The following CTNNA3 variants were observed in gnomAD, a reference collection of about 807,000 sequenced individuals.
The protein encoded by CTNNA3 is catenin alpha-3.
Under a neutral mutation model 95.7 loss-of-function variants are expected in CTNNA3, and 76 were observed. That is an observed-to-expected ratio of 0.79 (90% CI 0.66 to 0.96). CTNNA3 has a LOEUF of 0.96. Ranked by LOEUF, CTNNA3 falls within the 40% of genes least tolerant of loss-of-function variation. The pLI is 0.00. For missense variants in CTNNA3, 1,191 were observed against 1,089.8 expected, an observed-to-expected ratio of 1.09 and a Z score of -1.31; for synonymous variants, 431 against 374.4, an observed-to-expected ratio of 1.15 and a Z score of -1.74.
At chr10:67,327,930 C>T (rs950042815) in intron 5 of CTNNA3, among the ~76,000 whole-genome samples, 2 of 152,094 alleles carry the variant, frequency 1.3e-5, no homozygotes, top group African/African-American at 4.8e-5. Context: ...CTGTGCCTCG[C>T]AAGCAGGAAT....
intron 12 of CTNNA3, among the ~76,000 whole-genome samples, chr10:66,305,278 T>C (rs1035198279): frequency 6.6e-6 from 1 of 152,214 alleles, no homozygotes; most frequent in Non-Finnish European, 1.5e-5. Context: ...TTTTAGATCA[T>C]ATGCACACAC....
At chr10:66,987,184 A>G (rs1342984442) in intron 7 of CTNNA3, among the ~76,000 whole-genome samples, 1 of 152,184 alleles carries the variant, frequency 6.6e-6, no homozygotes, top group African/African-American at 2.4e-5. Context: ...ACTAAGGGAG[A>G]GGGAAGCAGA....
chr10:66,092,785 C>T (rs2081261339), intron 14 of CTNNA3, among the ~76,000 whole-genome samples: 2 of 151,962 alleles, frequency 1.3e-5, no homozygotes, highest in East Asian at 3.9e-4. Context: ...GAGATTTAGG[C>T]TTAAATCACA....
At chr10:66,755,614 T>A (rs1839333313) in intron 9 of CTNNA3, among the ~76,000 whole-genome samples, 1 of 152,116 alleles carries the variant, frequency 6.6e-6, no homozygotes, top group Non-Finnish European at 1.5e-5. Flanking sequence ...ACTGGAATTC[T>A]TATACATTGT....
chr10:66,686,955 A>G (rs1360053982), intron 9 of CTNNA3, among the ~76,000 whole-genome samples: 1 of 152,120 alleles, frequency 6.6e-6, no homozygotes, highest in Admixed American at 6.6e-5. Context: ...AATTTTTTAA[A>G]TTACAGAGTA....
At chr10:67,675,510 T>C (rs1247445627) in intron 1 of CTNNA3, among the ~76,000 whole-genome samples, 2 of 152,092 alleles carry the variant, frequency 1.3e-5, no homozygotes, top group African/African-American at 2.4e-5. Context: ...GATGGGCAAA[T>C]GGAAACATTG....
At chr10:66,094,949 T>C (rs1344914797) in intron 14 of CTNNA3, among the ~76,000 whole-genome samples, 2 of 152,148 alleles carry the variant, frequency 1.3e-5, no homozygotes, top group East Asian at 3.8e-4. Context: ...TGAGTTTAGA[T>C]TTGTGCAACT....
chr10:66,688,679 G>A (rs192433162), intron 9 of CTNNA3, among the ~76,000 whole-genome samples: 2,686 of 152,124 alleles, frequency 0.018, 46 homozygotes, highest in Middle Eastern at 0.058. Flanking sequence ...AGCCCCATAA[G>A]AGCAGAGACC....
intron 13 of CTNNA3, among the ~76,000 whole-genome samples, chr10:66,179,437 A>G (rs531524512): frequency 6.6e-6 from 1 of 152,178 alleles, no homozygotes; most frequent in Non-Finnish European, 1.5e-5. Context: ...ATGGTGATGA[A>G]AATCGCCTGT....
chr10:66,758,657 G>A (rs184193414), intron 9 of CTNNA3, among the ~76,000 whole-genome samples: 2 of 152,234 alleles, frequency 1.3e-5, no homozygotes, highest in East Asian at 1.9e-4. Flanking sequence ...ACTTTGGGCC[G>A]GGCATGGTGG....
chr10:67,338,193 T>C (rs576561656), intron 5 of CTNNA3, among the ~76,000 whole-genome samples: 5 of 152,144 alleles, frequency 3.3e-5, no homozygotes, highest in African/African-American at 9.7e-5. Flanking sequence ...ACAGGAAACA[T>C]GGAGCTGGCA....
intron 14 of CTNNA3, among the ~76,000 whole-genome samples, chr10:66,091,095 C>G (rs2081194668): frequency 6.6e-6 from 1 of 151,692 alleles, no homozygotes; most frequent in African/African-American, 2.4e-5. Context: ...ACTAATAATT[C>G]AACAATATGT....
intron 11 of CTNNA3, among the ~76,000 whole-genome samples, chr10:66,380,643 T>A (rs559863044): frequency 1.5e-3 from 215 of 146,212 alleles, no homozygotes; most frequent in African/African-American, 5.2e-3. Flanking sequence ...ATATATATAT[T>A]AAATTAATTA....
upstream of CTNNA3, among the ~76,000 whole-genome samples, chr10:67,698,471 G>T (rs1009543902): frequency 2.0e-5 from 3 of 152,176 alleles, no homozygotes; most frequent in Non-Finnish European, 4.4e-5. Flanking sequence ...TTCTATCCCT[G>T]TCAGTAGCCT....
chr10:67,271,276 G>C (rs1474985322), intron 5 of CTNNA3, among the ~76,000 whole-genome samples: 2 of 152,188 alleles, frequency 1.3e-5, no homozygotes, highest in African/African-American at 4.8e-5. Context: ...AGACCAGGTG[G>C]AGTAATCGAA....
intron 9 of CTNNA3, among the ~76,000 whole-genome samples, chr10:66,631,072 A>G (rs773651419): frequency 6.6e-6 from 1 of 152,186 alleles, no homozygotes; most frequent in African/African-American, 2.4e-5. Flanking sequence ...AGAGTGTTAC[A>G]TGGAGACAAA....
intron 10 of CTNNA3, among the ~76,000 whole-genome samples, chr10:66,568,135 G>C (rs918752123): frequency 2.6e-5 from 4 of 152,128 alleles, no homozygotes; most frequent in African/African-American, 9.7e-5. Flanking sequence ...AGACAAAAGA[G>C]AGCATAAAGA....
rs930802715 is a variant in CTNNA3 at position 66,970,889 on chromosome 10, G to T, written c.1048-195365C>A. Among the ~76,000 whole-genome samples, 27 of 152,188 alleles carry T rather than the reference G, an allele frequency of 1.8e-4. 2 individuals carry two copies. Among genetic ancestry groups the T allele is most frequent in the African/African-American group, 6.3e-4 (26 of 41,506 alleles). On this transcript the variant is annotated intron_variant, in intron 7 of 17. Transcript: ENST00000433211. ...TTTTTCAAGATAATACAGATCTCAA[G>T]AATTCTCAATGTTCAAGCAAGAAAA... is the stretch of plus-strand genomic sequence containing the variant.
At chr10:66,331,214 T>C (rs2092323888) in intron 12 of CTNNA3, among the ~76,000 whole-genome samples, 1 of 151,980 alleles carries the variant, frequency 6.6e-6, no homozygotes, top group Admixed American at 6.6e-5. Context: ...AACGTTTAAG[T>C]TTTTAATCAA....
Sources: allele counts gnomAD v4.1 joint callset (sites outside exome capture counted in the v4.1 genomes callset), GRCh38; gene constraint gnomAD v4.1.1; transcripts MANE v1.5; gene names NCBI Gene and HGNC (gene_info 2026-07-23, HGNC 2026-07-21).